Variants in FRMD3 observed in about 807,000 individuals in gnomAD.
The protein encoded by FRMD3 is FERM domain-containing protein 3.
FRMD3 carries 33 observed loss-of-function variants against 70.2 expected under a neutral mutation model. The observed-to-expected ratio is 0.47, with a 90% CI of 0.36 to 0.63. The LOEUF (loss-of-function observed/expected upper bound fraction) is 0.63, where lower values mean the gene tolerates loss of function less well. Among genes scored for constraint, FRMD3 ranks in the 20% least tolerant of loss-of-function variants. The pLI, the probability that FRMD3 is intolerant of heterozygous loss-of-function variation, is 0.00. For synonymous variants in FRMD3, 279 were observed against 255.9 expected (o/e 1.09, Z -0.86); for missense variants, 632 against 711.4 (o/e 0.89, Z 1.27).
intron 1 of FRMD3, among the ~76,000 whole-genome samples, chr9:83,418,264 A>G (rs1205829456): frequency 6.6e-6 from 1 of 152,182 alleles, no homozygotes; most frequent in Non-Finnish European, 1.5e-5. Flanking sequence ...CAACAAAAAT[A>G]AAAATAAATA....
At chr9:83,488,858 C>A (rs12380450) in intron 1 of FRMD3, among the ~76,000 whole-genome samples, 1 of 151,916 alleles carries the variant, frequency 6.6e-6, no homozygotes, top group South Asian at 2.1e-4. Flanking sequence ...GAAGAAAACA[C>A]GACAAGGAAA....
chr9:83,485,624 G>C (rs10746712), intron 1 of FRMD3, among the ~76,000 whole-genome samples: 1 of 151,946 alleles, frequency 6.6e-6, no homozygotes, highest in African/African-American at 2.4e-5. Flanking sequence ...AGAAATTACC[G>C]TCTGGAATCA....
intron 2 of FRMD3, among the ~76,000 whole-genome samples, chr9:83,386,397 G>A (rs1259530122): frequency 1.3e-5 from 2 of 152,164 alleles, no homozygotes; most frequent in South Asian, 2.1e-4. Flanking sequence ...TTGTTTTGAG[G>A]GTGGCCCCCA....
intron 1 of FRMD3, among the ~76,000 whole-genome samples, chr9:83,407,869 C>CA (rs1362293829): frequency 0.016 from 1,952 of 120,310 alleles, 23 homozygotes; most frequent in East Asian, 0.061. Flanking sequence ...CTCTCTCTCT[C>CA]TCTCATCTTT....
At chr9:83,346,950 T>A (rs1823983866) in intron 4 of FRMD3, among the ~76,000 whole-genome samples, 1 of 152,240 alleles carries the variant, frequency 6.6e-6, no homozygotes, top group Admixed American at 6.5e-5. Context: ...TGATTAAATC[T>A]TAGCCCTTTT....
At chr9:83,313,592 G>A in intron 7 of FRMD3, 68 bp downstream of exon 7, 2 of 1,261,368 alleles carry the variant, frequency 1.6e-6, no homozygotes, top group Middle Eastern at 3.8e-4. Flanking sequence ...TGCCAGGCCT[G>A]CGCACAGATA....
chr9:83,455,753 T>G (rs111499458), intron 1 of FRMD3, among the ~76,000 whole-genome samples: 37 of 152,292 alleles, frequency 2.4e-4, no homozygotes, highest in African/African-American at 8.4e-4. Flanking sequence ...TTACCAAGTT[T>G]GCTGATAAAA....
intron 1 of FRMD3, among the ~76,000 whole-genome samples, chr9:83,533,270 G>A (rs1334773874): frequency 6.6e-6 from 1 of 152,014 alleles, no homozygotes. Flanking sequence ...ATACAATATT[G>A]AGATAATACT....
chr9:83,419,518 GAT>G (rs566836721), intron 1 of FRMD3, among the ~76,000 whole-genome samples: 147 of 151,168 alleles, frequency 9.7e-4, no homozygotes, highest in African/African-American at 3.3e-3. Flanking sequence ...GAGTGTGTGT[GAT>G]ATGTGTTCAT....
the FRMD3 span, among the ~76,000 whole-genome samples, chr9:83,583,694 G>A: frequency 6.6e-6 from 1 of 151,882 alleles, no homozygotes; most frequent in African/African-American, 2.4e-5. Flanking sequence ...CTGCAGCCTC[G>A]ACATCCCAGG....
chr9:83,490,788 TCTCTCTCTCTCACA>T lies in FRMD3; in HGVS notation c.147+47283_147+47296del, dbSNP rs1419061028. On this transcript the variant is annotated intron_variant, in intron 1 of 13. Coordinates refer to ENST00000304195, the MANE Select transcript of FRMD3 (RefSeq NM_174938.6). ...TTCTCTCTCTCTCTCTCTCTCTCTCTCTCTCTCTCTCACACACACACACACACACACACACACAC... is the reference window on the plus strand; with the variant it reads ...TTCTCTCTCTCTCTCTCTCTCTCTCTCACACACACACACACACACACACAC... Among the ~76,000 whole-genome samples the T allele has an allele frequency of 2.0e-3, 243 of 121,816 alleles. 1 individual carries two copies. Among genetic ancestry groups the T allele is most frequent in the African/African-American group, 8.5e-3 (232 of 27,444 alleles). 79.9% of individuals were successfully genotyped at this position (121,816 alleles called of 152,430 possible).
chr9:83,512,316 C>T (rs7043681), intron 1 of FRMD3, among the ~76,000 whole-genome samples: 17,209 of 152,174 alleles, frequency 0.11, 1,306 homozygotes, highest in African/African-American at 0.21. Flanking sequence ...CAGGAACATC[C>T]CTGCCTTCAT....
At chr9:83,331,804 G>A (rs1022093574) in intron 6 of FRMD3, 2 of 716,456 alleles carry the variant, frequency 2.8e-6, no homozygotes, top group Admixed American at 2.0e-5. Context: ...TCAATGAGTT[G>A]TGAGGGCCAT....
At chr9:83,363,249 A>T (rs1824668250) in intron 3 of FRMD3, among the ~76,000 whole-genome samples, 1 of 152,182 alleles carries the variant, frequency 6.6e-6, no homozygotes, top group Non-Finnish European at 1.5e-5. Context: ...CTATATAGTC[A>T]CATGAAAAAA....
chr9:83,375,412 G>A (rs1014668967), intron 2 of FRMD3, among the ~76,000 whole-genome samples: 3 of 152,166 alleles, frequency 2.0e-5, no homozygotes, highest in Non-Finnish European at 4.4e-5. Flanking sequence ...CAGGCCTGGT[G>A]TATCTCAGTT....
At chr9:83,312,126 C>A in intron 7 of FRMD3, 151 bp from the exon 8 acceptor site, 1 of 639,652 alleles carries the variant, frequency 1.6e-6, no homozygotes, top group East Asian at 2.9e-5. Flanking sequence ...TGAGATGGAA[C>A]TTCTAAGAGC....
chr9:83,438,407 G>GT lies in FRMD3; in HGVS notation c.148-48700dup, dbSNP rs5898830. ...CCCACTCTACCTGTCTCAGAAGAGA[G>GT]TTTTTTTTTTGTTTTGTTTTGTTTT... On this transcript the variant is annotated intron_variant, in intron 1 of 13. Coordinates refer to ENST00000304195, the MANE Select transcript of FRMD3 (RefSeq NM_174938.6). 5.5e-4 allele frequency among the ~76,000 whole-genome samples: 51 copies of GT among 93,002 alleles called. 1 individual carries two copies. The highest frequency in any genetic ancestry group is 5.0e-3 in the East Asian group (19 of 3,770). 61.0% of individuals were successfully genotyped at this position (93,002 alleles called of 152,430 possible). A position where few individuals can be genotyped will look rare whatever the true frequency, so the allele number is the denominator to read the frequency against.
chr9:83,403,288 T>C (rs1335963074), intron 1 of FRMD3, among the ~76,000 whole-genome samples: 1 of 151,984 alleles, frequency 6.6e-6, no homozygotes, highest in Non-Finnish European at 1.5e-5. Flanking sequence ...ATCCCTAACT[T>C]CCCTAATGGT....
At chr9:83,485,521 A>G (rs941389461) in intron 1 of FRMD3, among the ~76,000 whole-genome samples, 2 of 152,184 alleles carry the variant, frequency 1.3e-5, no homozygotes, top group African/African-American at 4.8e-5. Flanking sequence ...TGAACAAGAG[A>G]CACATCATGT....
Sources: gnomAD v4.1 joint callset for allele counts (sites outside exome capture counted in the v4.1 genomes callset) on GRCh38, gnomAD v4.1.1 for gene constraint, MANE v1.5 for transcripts, NCBI Gene and HGNC (gene_info 2026-07-23, HGNC 2026-07-21) for gene names.